Variants in CADPS observed in about 807,000 individuals in gnomAD.
The protein encoded by CADPS is calcium dependent secretion activator, also known as calcium-dependent secretion activator 1.
In CADPS, 57 loss-of-function variants were observed where a neutral mutation model predicts 167.3. That is an observed-to-expected ratio of 0.34 (90% CI 0.28 to 0.42). The LOEUF is 0.42. Ranked by LOEUF, CADPS falls within the 20% of genes least tolerant of loss-of-function variation. CADPS has a pLI of 1.00. For synonymous variants in CADPS, 676 were observed against 635.3 expected, an observed-to-expected ratio of 1.06 and a Z score of -0.96; for missense variants, 1,414 against 1,738.1, an observed-to-expected ratio of 0.81 and a Z score of 3.32.
chr3:62,552,262 A>T (rs1577650495), intron 10 of CADPS, among the ~76,000 whole-genome samples: 1 of 150,908 alleles, frequency 6.6e-6, no homozygotes, highest in East Asian at 2.0e-4. Flanking sequence ...TAGCATTAGG[A>T]GATATACCTA....
intron 16 of CADPS, 97 bp downstream of exon 16, chr3:62,515,962 A>C: frequency 6.9e-7 from 1 of 1,453,792 alleles, no homozygotes; most frequent in African/African-American, 1.4e-5. Flanking sequence ...ACTCAGACGG[A>C]CCACTGTTTT....
intron 3 of CADPS, among the ~76,000 whole-genome samples, chr3:62,750,404 A>T (rs2082442648): frequency 6.6e-6 from 1 of 151,488 alleles, no homozygotes; most frequent in South Asian, 2.1e-4. Flanking sequence ...TAGTTTAATA[A>T]GAAACATTAA....
chr3:62,431,467 C>T (rs542135268), intron 28 of CADPS, among the ~76,000 whole-genome samples: 1 of 151,878 alleles, frequency 6.6e-6, no homozygotes. Flanking sequence ...AAATAAAAAA[C>T]CCCGGTTGAA....
intron 13 of CADPS, among the ~76,000 whole-genome samples, chr3:62,518,884 T>C (rs1212011614): frequency 6.6e-6 from 1 of 152,180 alleles, no homozygotes; most frequent in Non-Finnish European, 1.5e-5. Context: ...TTTATTTAAG[T>C]GCTCATGTAT....
intron 4 of CADPS, among the ~76,000 whole-genome samples, chr3:62,656,459 C>G (rs748019888): frequency 6.6e-6 from 1 of 152,124 alleles, no homozygotes; most frequent in African/African-American, 2.4e-5. Flanking sequence ...AAACTTGAAA[C>G]CTAGCAGAGT....
At chr3:62,712,641 C>T (rs1438478844) in intron 3 of CADPS, among the ~76,000 whole-genome samples, 1 of 152,172 alleles carries the variant, frequency 6.6e-6, no homozygotes, top group African/African-American at 2.4e-5. Flanking sequence ...GAAACATTTG[C>T]TATTTATATA....
chr3:62,442,796 T>G (rs1010500197), intron 27 of CADPS, among the ~76,000 whole-genome samples: 7 of 152,162 alleles, frequency 4.6e-5, no homozygotes, highest in Non-Finnish European at 1.0e-4. Context: ...GGCATGCTAA[T>G]TAACCTCTTT....
intron 1 of CADPS, among the ~76,000 whole-genome samples, chr3:62,868,974 A>G (rs964485): frequency 0.24 from 35,874 of 151,938 alleles, 4,934 homozygotes; most frequent in Middle Eastern, 0.35. Flanking sequence ...GTTTGAGCTA[A>G]AACACAGGTT....
At chr3:62,764,442 T>A (rs1477929679) in intron 2 of CADPS, among the ~76,000 whole-genome samples, 1 of 152,156 alleles carries the variant, frequency 6.6e-6, no homozygotes, top group Admixed American at 6.5e-5. Flanking sequence ...TAAAAACAAA[T>A]TTGACTTCTA....
chr3:62,825,773 C>T (rs150578700), intron 1 of CADPS, among the ~76,000 whole-genome samples: 709 of 152,228 alleles, frequency 4.7e-3, no homozygotes, highest in Non-Finnish European at 6.3e-3. Context: ...TAGCCTTGTC[C>T]GAAAGCAAAG....
chr3:62,594,861 GCCA>G (rs905891092), intron 6 of CADPS, among the ~76,000 whole-genome samples: 1 of 152,154 alleles, frequency 6.6e-6, no homozygotes, highest in Non-Finnish European at 1.5e-5. Context: ...TGACTATCCT[GCCA>G]CCATTTGGGA....
At chr3:62,721,374 G>A (rs942137032) in intron 3 of CADPS, among the ~76,000 whole-genome samples, 1 of 151,982 alleles carries the variant, frequency 6.6e-6, no homozygotes, top group Non-Finnish European at 1.5e-5. Flanking sequence ...CAGATTTTAT[G>A]GAGGAAATTA....
At chr3:62,744,890 T>C (rs151317767) in intron 3 of CADPS, among the ~76,000 whole-genome samples, 1 of 152,318 alleles carries the variant, frequency 6.6e-6, no homozygotes, top group Non-Finnish European at 1.5e-5. Context: ...AGCATCTTGG[T>C]AACAGCAGGT....
At position 62,419,133 on chromosome 3, in the gene CADPS, T is replaced by C. The variant is rs573928764; in HGVS notation, c.3778-15948A>G. Among the ~76,000 whole-genome samples, 11 of 152,274 alleles carry C rather than the reference T, an allele frequency of 7.2e-5. No individual in the cohort carries two copies. The South Asian group carries it at 2.3e-3, about 32-fold the overall frequency. On this transcript the variant is annotated intron_variant, in intron 28 of 29. Transcript: ENST00000383710. ...TGATATGTAAGAGAAAAGGAATGGC[T>C]CTCTTATGTACCTGAATTTCTCAGT...
chr3:62,576,423 G>C (rs1043729368), intron 8 of CADPS, among the ~76,000 whole-genome samples: 4 of 152,054 alleles, frequency 2.6e-5, no homozygotes, highest in Non-Finnish European at 5.9e-5. Context: ...CAAGAGCTTA[G>C]CACGCTCACT....
At chr3:62,652,071 T>G (rs2070298376) in intron 4 of CADPS, among the ~76,000 whole-genome samples, 1 of 152,160 alleles carries the variant, frequency 6.6e-6, no homozygotes, top group Non-Finnish European at 1.5e-5. Context: ...TGGGGTGGCT[T>G]CATGCTCAGT....
intron 1 of CADPS, among the ~76,000 whole-genome samples, chr3:62,823,763 C>T (rs536596806): frequency 2.0e-5 from 3 of 152,136 alleles, no homozygotes; most frequent in Non-Finnish European, 4.4e-5. Flanking sequence ...TCTCTTTAAT[C>T]GTCTCATCCA....
intron 8 of CADPS, among the ~76,000 whole-genome samples, chr3:62,582,493 C>G (rs1448543881): frequency 3.9e-5 from 6 of 152,154 alleles, no homozygotes; most frequent in African/African-American, 1.4e-4. Context: ...CAAGCTGTGA[C>G]ATTGCTCTCA....
In CADPS at chr3:62,753,618, C is replaced by A. The variant is rs2083207770; in HGVS notation, c.711G>T (p.Trp237Cys). ...GLSKETVLSS[W>C]MAKFDAIYRG... is the part of the protein sequence containing the mutation. ...GGTAGATGGCATCAAATTTGGCCATCCAGGAGCTCAGCACAGTCTCCTTGC... is the reference window on the plus strand; with the variant it reads ...GGTAGATGGCATCAAATTTGGCCATACAGGAGCTCAGCACAGTCTCCTTGC... The change falls in exon 3 of 30, where the codon TGG (tryptophan) becomes TGT (cysteine). Residue 237 changes from tryptophan to cysteine, a missense_variant. Trp to Cys is a radical substitution (Grantham distance 215). Coordinates refer to ENST00000383710, the MANE Select transcript of CADPS (RefSeq NM_003716.4). This position sits in a 1 kb window ranked among gnomAD's most constrained non-coding sequence, Gnocchi z 4.6. The A allele has an allele frequency of 6.2e-7, 1 of 1,614,026 alleles. No homozygotes were observed. Among genetic ancestry groups the A allele is most frequent in the African/African-American group, 1.3e-5 (1 of 74,900 alleles).
Sources: allele counts gnomAD v4.1 joint callset (sites outside exome capture counted in the v4.1 genomes callset), GRCh38; gene constraint gnomAD v4.1.1; non-coding constraint Gnocchi (gnomAD v3.1); transcripts MANE v1.5; gene names NCBI Gene and HGNC (gene_info 2026-07-23, HGNC 2026-07-21).